Variants in RBM20 observed in about 807,000 individuals in gnomAD.
RBM20 encodes the protein RNA-binding protein 20.
A neutral mutation model predicts 110.1 loss-of-function variants in RBM20; 51 were observed. The observed-to-expected ratio is 0.46, with a 90% CI of 0.37 to 0.59. The LOEUF is 0.59. Ranked by LOEUF, RBM20 falls within the 20% of genes least tolerant of loss-of-function variation. The probability of loss-of-function intolerance (pLI) is 0.00; values close to 1 mark genes in which losing one functional copy is unlikely to be tolerated. For synonymous variants in RBM20, 589 were observed against 618.2 expected (o/e 0.95, Z 0.70); for missense variants, 1,512 against 1,574.9 (o/e 0.96, Z 0.68).
intron 7 of RBM20, among the ~76,000 whole-genome samples, chr10:110,800,372 G>A (rs369169452): frequency 9.0e-4 from 137 of 152,260 alleles, no homozygotes; most frequent in African/African-American, 3.2e-3. Context: ...AGCAGCCCTT[G>A]GCTGAATTGG....
intron 1 of RBM20, among the ~76,000 whole-genome samples, chr10:110,722,571 A>G (rs560156369): frequency 6.6e-6 from 1 of 152,360 alleles, no homozygotes; most frequent in Non-Finnish European, 1.5e-5. Flanking sequence ...ATTTAATTAC[A>G]CAAATAATAG....
At chr10:110,759,752 C>T (rs1447666503) in intron 1 of RBM20, among the ~76,000 whole-genome samples, 1 of 152,220 alleles carries the variant, frequency 6.6e-6, no homozygotes, top group East Asian at 1.9e-4. Context: ...GGCTCAGCTG[C>T]AGAGTCTGTA....
Position 110,792,540 on chromosome 10 carries a change from T to C in RBM20, c.1528-4968T>C, listed in dbSNP as rs139200518. ...CAAGCCAACTTGGGCTTGGAGAAATTCAGTAACTGGCCCACAGTTAGTCAC... is the reference window on the plus strand; with the variant it reads ...CAAGCCAACTTGGGCTTGGAGAAATCCAGTAACTGGCCCACAGTTAGTCAC... On this transcript the variant is annotated intron_variant, in intron 5 of 13. Transcript: ENST00000369519. 5.3e-4 allele frequency among the ~76,000 whole-genome samples: 81 copies of C among 152,286 alleles called. 1 individual carries two copies. The highest frequency in any genetic ancestry group is 1.2e-3 in the Admixed American group (19 of 15,296).
At chr10:110,719,784 A>G (rs1402309259) in intron 1 of RBM20, among the ~76,000 whole-genome samples, 1 of 152,238 alleles carries the variant, frequency 6.6e-6, no homozygotes, top group East Asian at 1.9e-4. Context: ...TCTGTAAACA[A>G]GGATTGTAAT....
intron 1 of RBM20, among the ~76,000 whole-genome samples, chr10:110,737,232 G>C (rs1843682486): frequency 7.0e-6 from 1 of 142,160 alleles, no homozygotes; most frequent in African/African-American, 2.7e-5. Context: ...AACAGAGCTT[G>C]TTCACCCCTT....
chr10:110,827,697 G>A (rs763905084), intron 12 of RBM20: 2 of 152,136 alleles, frequency 1.3e-5, no homozygotes, highest in Non-Finnish European at 2.9e-5. Flanking sequence ...TACTGGTAAG[G>A]TCTTAGTGGC....
chr10:110,662,267 G>A (rs1590601926), intron 1 of RBM20, among the ~76,000 whole-genome samples: 2 of 152,114 alleles, frequency 1.3e-5, no homozygotes, highest in African/African-American at 2.4e-5. Flanking sequence ...AGCCACTTGC[G>A]GTTCACAAAG....
chr10:110,694,510 A>G (rs1274453868), intron 1 of RBM20, among the ~76,000 whole-genome samples: 1 of 152,222 alleles, frequency 6.6e-6, no homozygotes, highest in Non-Finnish European at 1.5e-5. Flanking sequence ...ATTGTAAGTG[A>G]AAGCTGATAT....
rs558617894 is a variant in RBM20, at chr10:110,662,866, C to T, written c.191+18221C>T. Among the ~76,000 whole-genome samples, 7 of 152,316 alleles carry T rather than the reference C, an allele frequency of 4.6e-5. No homozygotes were observed. In the East Asian group the frequency reaches 7.7e-4, roughly 17 times the overall value. On this transcript the variant is annotated intron_variant, in intron 1 of 13. Coordinates refer to ENST00000369519, the MANE Select transcript of RBM20 (RefSeq NM_001134363.3). ...GATTAGGCAGCCTGTAGGCTCTGAT[C>T]TTCCTGTTCATCCCTACATTGGACA...
intron 1 of RBM20, among the ~76,000 whole-genome samples, chr10:110,746,654 G>C (rs1019319821): frequency 1.3e-5 from 2 of 152,174 alleles, no homozygotes; most frequent in African/African-American, 4.8e-5. Flanking sequence ...AGCTGGATTG[G>C]GAGCAGGCAG....
At chr10:110,823,354 A>T in intron 11 of RBM20, 126 bp from the exon 12 acceptor site, 2 of 1,225,064 alleles carry the variant, frequency 1.6e-6, no homozygotes, top group Non-Finnish European at 2.2e-6. Flanking sequence ...TTATGTGATT[A>T]AGCAGTCCAA....
At chr10:110,804,058 T>G (rs1452649932) in intron 7 of RBM20, among the ~76,000 whole-genome samples, 1 of 152,102 alleles carries the variant, frequency 6.6e-6, no homozygotes, top group African/African-American at 2.4e-5. Context: ...AGCAGCTCTT[T>G]CTCCCCCTTC....
At chr10:110,798,372 T>C (rs368965985) in intron 6 of RBM20, among the ~76,000 whole-genome samples, 1 of 152,248 alleles carries the variant, frequency 6.6e-6, no homozygotes, top group Admixed American at 6.5e-5. Context: ...TGGAGACTCA[T>C]AGCCACATCA....
rs727505310 is a variant in RBM20, at chr10:110,812,355, C to T, written c.1958C>T (p.Thr653Ile). ...CCGAGGTCCCACACTCCCAGCTTCA[C>T]CTCCTGCAGCTCTTCCCACAGCCCT... The part of the protein sequence containing the change: ...LSPRSHTPSF[T>I]SCSSSHSPPG... The change falls in exon 9 of 14, where the codon ACC (threonine) becomes ATC (isoleucine). Residue 653 changes from threonine (T) to isoleucine (I), a missense_variant. This residue lies in a region of RBM20 where 1,149 missense variants were observed against 1,169.4 expected (regional missense o/e 0.98). Coordinates refer to ENST00000369519, the MANE Select transcript of RBM20 (RefSeq NM_001134363.3). The T allele has an allele frequency of 1.4e-4, 216 of 1,551,530 alleles. No individual in the cohort carries two copies. Among genetic ancestry groups the T allele is most frequent in the Non-Finnish European group, 1.1e-4 (129 of 1,147,012 alleles).
chr10:110,780,694 G>A (rs1844325648), intron 1 of RBM20, 107 bp from the exon 2 acceptor site: 2 of 1,272,678 alleles, frequency 1.6e-6, no homozygotes, highest in African/African-American at 1.5e-5. Flanking sequence ...GGACCAGTGT[G>A]GGAAGGTCTT....
chr10:110,812,608 C>G lies in RBM20; in HGVS notation c.2211C>G (p.Tyr737Ter). 1 of 1,551,710 alleles carries G rather than the reference C, an allele frequency of 6.4e-7. No homozygotes were observed. The highest frequency in any genetic ancestry group is 1.2e-5 in the South Asian group (1 of 84,054). The change falls in exon 9 of 14, where the codon TAC (tyrosine) becomes TAG (stop). Residue 737 changes from tyrosine to a stop codon, truncating the protein, a stop_gained. Coordinates refer to ENST00000369519, the MANE Select transcript of RBM20 (RefSeq NM_001134363.3). LOFTEE classifies it high-confidence loss of function. Reference sequence around the variant, plus strand: ...GAGGGAGGCCCCACCGGGAGAAGTACCCGAGATCTGGGTCTCCCAACCTGC... The same window carrying G: ...GAGGGAGGCCCCACCGGGAGAAGTAGCCGAGATCTGGGTCTCCCAACCTGC... ...PEGGRPHREK[Y>*]PRSGSPNLPH... is the part of the protein sequence containing the mutation.
intron 9 of RBM20, 106 bp from the exon 10 acceptor site, chr10:110,819,966 T>C: frequency 1.5e-6 from 1 of 653,756 alleles, no homozygotes. Flanking sequence ...ATGCTGTATG[T>C]GAAACCTATC....
intron 1 of RBM20, among the ~76,000 whole-genome samples, chr10:110,716,050 A>G (rs1179334923): frequency 6.6e-6 from 1 of 152,256 alleles, no homozygotes; most frequent in African/African-American, 2.4e-5. Context: ...GAAGTATCAC[A>G]TTCTTCATTT....
At chr10:110,808,597 A>C (rs912570154) in intron 7 of RBM20, among the ~76,000 whole-genome samples, 1 of 152,134 alleles carries the variant, frequency 6.6e-6, no homozygotes, top group African/African-American at 2.4e-5. Flanking sequence ...AGCACAGTTG[A>C]AGGAGTCACT....
Sources: allele counts gnomAD v4.1 joint callset (sites outside exome capture counted in the v4.1 genomes callset), GRCh38; gene constraint gnomAD v4.1.1; regional missense constraint gnomAD v4.1.1; transcripts MANE v1.5; gene names NCBI Gene and HGNC (gene_info 2026-07-23, HGNC 2026-07-21).